Variants in PRPF8 observed in about 807,000 individuals in gnomAD.
PRPF8 encodes pre-mRNA-processing-splicing factor 8.
A neutral mutation model predicts 285.9 loss-of-function variants in PRPF8; 64 were observed. That is an observed-to-expected ratio of 0.22 (90% CI 0.18 to 0.28). The LOEUF (loss-of-function observed/expected upper bound fraction) is 0.28, where lower values mean the gene tolerates loss of function less well. PRPF8 is among the 10% of genes least tolerant of loss of function. The probability of loss-of-function intolerance (pLI) is 1.00; values close to 1 mark genes in which losing one functional copy is unlikely to be tolerated. For missense variants in PRPF8, 1,426 were observed against 3,026.7 expected, an observed-to-expected ratio of 0.47 and a Z score of 12.41; for synonymous variants, 1,325 against 1,118.2, an observed-to-expected ratio of 1.18 and a Z score of -3.69.
rs540768353 is a variant in PRPF8, at chr17:1,675,548, C to T, written c.2872+72G>A. The T allele has an allele frequency of 5.9e-5, 93 of 1,586,736 alleles. No individual in the cohort carries two copies. The South Asian group carries it at 1.0e-3, about 17-fold the overall frequency. On this transcript the variant is annotated intron_variant, in intron 19 of 42. Coordinates refer to ENST00000304992, the MANE Select transcript of PRPF8 (RefSeq NM_006445.4). The surrounding 1 kb of genome is among the most constrained non-coding windows in gnomAD (Gnocchi z 6.0). ...CAAGAGAGTAAACCAATCATGCTAC[C>T]CAGATGAGATTTTTGACGTAGAACT...
chr17:1,664,699 C>T (rs745960446), intron 24 of PRPF8, among the ~76,000 whole-genome samples: 13 of 151,738 alleles, frequency 8.6e-5, no homozygotes, highest in Non-Finnish European at 1.6e-4. Flanking sequence ...AGATCATATA[C>T]AACATGTTTC....
chr17:1,677,808 T>C, intron 13 of PRPF8, 114 bp from the exon 14 acceptor site: 1 of 1,405,724 alleles, frequency 7.1e-7, no homozygotes, highest in Non-Finnish European at 1.0e-6. Flanking sequence ...GGAATGTAGG[T>C]ATGGCAGTAG....
At chr17:1,669,913 T>A (rs1023748673) in intron 24 of PRPF8, among the ~76,000 whole-genome samples, 1 of 152,302 alleles carries the variant, frequency 6.6e-6, no homozygotes, top group African/African-American at 2.4e-5. Context: ...TCTTGAGCTT[T>A]TGACCTTTTG....
At position 1,659,716 on chromosome 17, in the gene PRPF8, C is replaced by T; in HGVS notation, c.4946+125G>A. 1.4e-6 allele frequency: 2 copies of T among 1,392,872 alleles called. No individual in the cohort carries two copies. Among genetic ancestry groups the T allele is most frequent in the Non-Finnish European group, 2.0e-6 (2 of 1,006,730 alleles). 86.3% of individuals were successfully genotyped at this position (1,392,872 alleles called of 1,614,324 possible). ...TCTGACTAAGGGTGTTGACAGGCTCCAAGCGTAGCACTGGCTCCAAGTTTG... is the reference window on the plus strand; with the variant it reads ...TCTGACTAAGGGTGTTGACAGGCTCTAAGCGTAGCACTGGCTCCAAGTTTG... On this transcript the variant is annotated intron_variant, in intron 31 of 42. Transcript: ENST00000304992. The surrounding 1 kb of genome is among the most constrained non-coding windows in gnomAD (Gnocchi z 5.1).
In PRPF8 at chr17:1,661,314, T is replaced by C. The variant is rs1414763761; in HGVS notation, c.4295A>G (p.Tyr1432Cys). The C allele has an allele frequency of 6.2e-7, 1 of 1,614,186 alleles. No homozygotes were observed. The highest frequency in any genetic ancestry group is 8.5e-7 in the Non-Finnish European group (1 of 1,180,040). ...AGTTCTGACACGCCAGCCCTTATCA[T>C]AAGCCAGTGTGTGCCGGTCCTTCTG... The part of the protein sequence containing the change: ...LFQKDRHTLA[Y>C]DKGWRVRTDF... Residue 1432 changes from tyrosine (Y) to cysteine (C), a missense_variant, in exon 27 of 43, where the codon TAT becomes TGT. By Grantham distance (194) the Tyr-to-Cys change is radical. Coordinates refer to ENST00000304992, the MANE Select transcript of PRPF8 (RefSeq NM_006445.4). This position sits in a 1 kb window ranked among gnomAD's most constrained non-coding sequence, Gnocchi z 7.3.
Position 1,679,950 on chromosome 17 carries a change from G to A in PRPF8, c.1099-151C>T. On this transcript the variant is annotated intron_variant, in intron 8 of 42. Transcript: ENST00000304992. The surrounding 1 kb of genome is among the most constrained non-coding windows in gnomAD (Gnocchi z 4.7). Reference sequence around the variant, plus strand: ...AGCAGCCCTGAAGTGCCAGCACAAAGGAAACCAAGACAGCAAAGAACAAGA... The same window carrying A: ...AGCAGCCCTGAAGTGCCAGCACAAAAGAAACCAAGACAGCAAAGAACAAGA... The A allele has an allele frequency of 1.1e-6, 1 of 900,136 alleles. No homozygotes were observed. Among genetic ancestry groups the A allele is most frequent in the Non-Finnish European group, 1.8e-6 (1 of 550,706 alleles). 55.8% of individuals were successfully genotyped at this position (900,136 alleles called of 1,614,324 possible).
In PRPF8 at chr17:1,675,825, G is replaced by A. The variant is rs759806117; in HGVS notation, c.2680-13C>T. 37 of 1,614,144 alleles carry A rather than the reference G, an allele frequency of 2.3e-5. 1 individual carries two copies. In the South Asian group the frequency reaches 4.0e-4, roughly 17 times the overall value. On this transcript the variant is annotated splice_polypyrimidine_tract_variant and intron_variant, in intron 18 of 42. Transcript: ENST00000304992. This position sits in a 1 kb window ranked among gnomAD's most constrained non-coding sequence, Gnocchi z 6.0. ...ACTCAATGCCCACCTGTGGGACAAG[G>A]AGGCTGGTTCACACCAATCCACCAA...
rs988805242 is a variant in PRPF8, at chr17:1,669,063, A to G, written c.3774+4018T>C. Reference sequence around the variant, plus strand: ...AGGATTTTTCCTCTGCTTGCTCTTTATTCTATCCCTAGGGAGACCCTCTGC... The same window carrying G: ...AGGATTTTTCCTCTGCTTGCTCTTTGTTCTATCCCTAGGGAGACCCTCTGC... On this transcript the variant is annotated intron_variant, in intron 24 of 42. Coordinates refer to ENST00000304992, the MANE Select transcript of PRPF8 (RefSeq NM_006445.4). Among the ~76,000 whole-genome samples the G allele has an allele frequency of 1.1e-4, 17 of 152,038 alleles. No individual in the cohort carries two copies. The East Asian group carries it at 3.3e-3, about 30-fold the overall frequency.
At position 1,673,481 on chromosome 17, in the gene PRPF8, T is replaced by A; in HGVS notation, c.3533A>T (p.Tyr1178Phe). The change falls in exon 23 of 43, where the codon TAC (tyrosine) becomes TTC (phenylalanine). Residue 1178 changes from tyrosine (Y) to phenylalanine (F), a missense_variant. By Grantham distance (22) the Tyr-to-Phe change is conservative. Coordinates refer to ENST00000304992, the MANE Select transcript of PRPF8 (RefSeq NM_006445.4). This position sits in a 1 kb window ranked among gnomAD's most constrained non-coding sequence, Gnocchi z 5.5. ...CAGCAGGTTGGGGTTGTCCTTACTG[T>A]ACACAGACACGAAGCTGTTCTCCCA... ...VQWENSFVSV[Y>F]SKDNPNLLFN... is the part of the protein sequence containing the mutation. 1 of 1,614,160 alleles carries A rather than the reference T, an allele frequency of 6.2e-7. No individual in the cohort carries two copies. Among genetic ancestry groups the A allele is most frequent in the South Asian group, 1.1e-5 (1 of 91,074 alleles).
chr17:1,658,842 A>C lies in PRPF8; in HGVS notation c.5139-79T>G, dbSNP rs1911529341. 7.9e-7 allele frequency: 1 copy of C among 1,265,594 alleles called. No homozygotes were observed. The highest frequency in any genetic ancestry group is 1.2e-5 in the South Asian group (1 of 83,304). 78.4% of individuals were successfully genotyped at this position (1,265,594 alleles called of 1,614,324 possible). ...ACAAGACAAGCTGCCAACTCTACAG[A>C]GGAAGAAAGACTGTTCGCCAGGCTG... is the stretch of plus-strand genomic sequence containing the variant. On this transcript the variant is annotated intron_variant, in intron 32 of 42. Coordinates refer to ENST00000304992, the MANE Select transcript of PRPF8 (RefSeq NM_006445.4). The surrounding 1 kb of genome is among the most constrained non-coding windows in gnomAD (Gnocchi z 4.1).
Position 1,662,504 on chromosome 17 carries a change from G to A in PRPF8, c.3775-351C>T, listed in dbSNP as rs111775150. Among the ~76,000 whole-genome samples the A allele has an allele frequency of 7.3e-3, 1,111 of 151,922 alleles. 15 individuals carry two copies. The highest frequency in any genetic ancestry group is 0.025 in the African/African-American group (1,050 of 41,378). On this transcript the variant is annotated intron_variant, in intron 24 of 42. Transcript: ENST00000304992. ...CTCAGAAGGCTGAGGCAAGAGAATC[G>A]CTTGAACCTGGGAGGTGGAGGTTGC...
In PRPF8 at chr17:1,665,855, A is replaced by G. The variant is rs545855408; in HGVS notation, c.3775-3702T>C. 4.2e-4 allele frequency among the ~76,000 whole-genome samples: 63 copies of G among 150,244 alleles called. 1 individual carries two copies. Among genetic ancestry groups the G allele is most frequent in the Admixed American group, 3.8e-3 (58 of 15,074 alleles). On this transcript the variant is annotated intron_variant, in intron 24 of 42. Coordinates refer to ENST00000304992, the MANE Select transcript of PRPF8 (RefSeq NM_006445.4). Reference sequence around the variant, plus strand: ...AGTGAGACTCCATCTCAAAAAAAAAAAAAAAGAAAAAGAGAAAGGTCCAGG... The same window carrying G: ...AGTGAGACTCCATCTCAAAAAAAAAGAAAAAGAAAAAGAGAAAGGTCCAGG...
At chr17:1,655,035 T>C in intron 37 of PRPF8, 1 of 357,258 alleles carries the variant, frequency 2.8e-6, no homozygotes, top group Non-Finnish European at 5.4e-6. Context: ...CTCGGCTCAC[T>C]GCAACCTCTG....
intron 24 of PRPF8, among the ~76,000 whole-genome samples, chr17:1,667,534 A>G (rs995445319): frequency 6.9e-6 from 1 of 145,772 alleles, no homozygotes; most frequent in East Asian, 2.0e-4. Flanking sequence ...TGCCCATGAC[A>G]TAGCTTTTTT....
Position 1,660,681 on chromosome 17 carries a change from G to T in PRPF8, c.4638+17C>A. On this transcript the variant is annotated intron_variant, in intron 29 of 42. Coordinates refer to ENST00000304992, the MANE Select transcript of PRPF8 (RefSeq NM_006445.4). ...AACTGTCTTTAGCTTCCCCTCTCCA[G>T]TGTCAATCACACTCACATTGGCTCG... 4 of 1,614,176 alleles carry T rather than the reference G, an allele frequency of 2.5e-6. No individual in the cohort carries two copies. The highest frequency in any genetic ancestry group is 2.5e-6 in the Non-Finnish European group (3 of 1,180,038).
Position 1,656,693 on chromosome 17 carries a change from G to C in PRPF8, c.5574C>G (p.Pro1858=), listed in dbSNP as rs747647003. ...CCTTCCTGGTGACAATGATCTGCTT[G>C]GGCTGCTCCTCCACAGGCAGAGATC... The part of the protein sequence containing the change: ...LIRSLPVEEQ[P]KQIIVTRKGM... Residue 1858 remains proline, a synonymous_variant, in exon 35 of 43, where the codon CCC becomes CCG. Transcript: ENST00000304992. The C allele has an allele frequency of 1.9e-6, 3 of 1,614,010 alleles. No individual in the cohort carries two copies. Among genetic ancestry groups the C allele is most frequent in the African/African-American group, 1.3e-5 (1 of 74,970 alleles).
At chr17:1,677,731 C>A in intron 13 of PRPF8, 37 bp from the exon 14 acceptor site, 1 of 1,612,968 alleles carries the variant, frequency 6.2e-7, no homozygotes, top group Non-Finnish European at 8.5e-7. Flanking sequence ...TACAAGTTAG[C>A]AATGCATTTA....
intron 24 of PRPF8, among the ~76,000 whole-genome samples, chr17:1,663,633 C>T (rs1168875218): frequency 7.4e-6 from 1 of 135,012 alleles, no homozygotes; most frequent in Non-Finnish European, 1.5e-5. Flanking sequence ...CGCTTGAACT[C>T]GGGAGGCAGA....
rs1325815493 is a variant in PRPF8 at position 1,661,210 on chromosome 17, C to CA, written c.4339-49dup. On this transcript the variant is annotated intron_variant, in intron 27 of 42. Coordinates refer to ENST00000304992, the MANE Select transcript of PRPF8 (RefSeq NM_006445.4). This position sits in a 1 kb window ranked among gnomAD's most constrained non-coding sequence, Gnocchi z 7.3. Reference sequence around the variant, plus strand: ...TCAAGCTTCTGGGTGCCTATTGCCCCAAGTTTCGGGGATAGCCATGGATTT... The same window carrying CA: ...TCAAGCTTCTGGGTGCCTATTGCCCCAAAGTTTCGGGGATAGCCATGGATTT... 6.2e-7 allele frequency: 1 copy of CA among 1,614,128 alleles called. No homozygotes were observed. The highest frequency in any genetic ancestry group is 8.5e-7 in the Non-Finnish European group (1 of 1,180,028).
Sources: gnomAD v4.1 joint callset for allele counts (sites outside exome capture counted in the v4.1 genomes callset) on GRCh38, gnomAD v4.1.1 for gene constraint, Gnocchi (gnomAD v3.1) non-coding constraint, MANE v1.5 for transcripts, NCBI Gene and HGNC (gene_info 2026-07-23, HGNC 2026-07-21) for gene names.